SLC75A1: variants seen among roughly 807,000 people sequenced by gnomAD.
SLC75A1 encodes the protein solute carrier family 75 member 1, also known as major facilitator superfamily domain containing 10.
At chr4:2,931,447 G>A in the SLC75A1 span, 4 of 1,565,132 alleles carry the variant, frequency 2.6e-6, no homozygotes, top group Non-Finnish European at 3.5e-6. Context: ...AGGAAGGCGG[G>A]CACCAGCAGC....
At chr4:2,931,518 G>A in the SLC75A1 span, 245 of 1,598,830 alleles carry the variant, frequency 1.5e-4, no homozygotes, top group Non-Finnish European at 2.0e-4. Context: ...AGGACTCAGG[G>A]GACTGCCTGC....
the SLC75A1 span, chr4:2,932,035 G>C: frequency 1.9e-6 from 3 of 1,610,304 alleles, no homozygotes; most frequent in African/African-American, 1.3e-5. Flanking sequence ...TGGGTTGGTC[G>C]AGTCCTTACT....
At chr4:2,931,989 G>C in the SLC75A1 span, 1 of 1,600,770 alleles carries the variant, frequency 6.2e-7, no homozygotes, top group Non-Finnish European at 8.5e-7. Context: ...GAAGGGCGCC[G>C]CCCGGGGAAG....
chr4:2,930,877 C>G, the SLC75A1 span: 1 of 1,613,118 alleles, frequency 6.2e-7, no homozygotes, highest in Non-Finnish European at 8.5e-7. Context: ...AACTCAGCTT[C>G]TGCAGGAGGA....
the SLC75A1 span, chr4:2,934,093 G>C: frequency 2.8e-6 from 2 of 713,446 alleles, no homozygotes; most frequent in Admixed American, 5.9e-5. Context: ...TGGCCTGCGC[G>C]ATGCCCCCGC....
the SLC75A1 span, chr4:2,931,122 C>T: frequency 6.3e-7 from 1 of 1,580,214 alleles, no homozygotes; most frequent in South Asian, 1.1e-5. Context: ...GCAGTGTACC[C>T]ATGACCGTGC....
the SLC75A1 span, chr4:2,933,911 CT>C: frequency 6.4e-7 from 1 of 1,565,366 alleles, no homozygotes; most frequent in Non-Finnish European, 8.6e-7. Context: ...CCTCCACCCC[CT>C]CCCCATCCCA....
chr4:2,932,426 A>G, the SLC75A1 span: 1 of 1,613,696 alleles, frequency 6.2e-7, no homozygotes, highest in Non-Finnish European at 8.5e-7. Context: ...AGAGCAGGGC[A>G]AACCAGGGTG....
the SLC75A1 span, chr4:2,932,738 A>G: frequency 1.3e-6 from 2 of 1,578,468 alleles, no homozygotes; most frequent in East Asian, 4.5e-5. Context: ...CCCAGACTGC[A>G]TATGAGGTGG....
the SLC75A1 span, chr4:2,933,317 G>T: frequency 8.8e-7 from 1 of 1,131,780 alleles, no homozygotes; most frequent in African/African-American, 1.5e-5. Flanking sequence ...GTCATGCTGG[G>T]CCCTACACTC....
chr4:2,930,818 G>A, the SLC75A1 span: 4 of 1,611,858 alleles, frequency 2.5e-6, no homozygotes, highest in African/African-American at 5.3e-5. Flanking sequence ...GGTGCCCACA[G>A]CCTGGGCACA....
chr4:2,933,811 G>A, the SLC75A1 span: 1 of 1,590,810 alleles, frequency 6.3e-7, no homozygotes, highest in Non-Finnish European at 8.6e-7. Flanking sequence ...CAGCGTGAAG[G>A]CCAGGAGGTC....
At chr4:2,932,354 T>C in the SLC75A1 span, 4 of 1,612,434 alleles carry the variant, frequency 2.5e-6, no homozygotes, top group Admixed American at 3.3e-5. Flanking sequence ...GCCCTACCCG[T>C]TTCTCCAGGG....
chr4:2,930,780 G>A, the SLC75A1 span: 29 of 1,572,068 alleles, frequency 1.8e-5, no homozygotes, highest in Non-Finnish European at 2.5e-5. Context: ...CAGTGGGCAG[G>A]GGCCTGACCT....
At chr4:2,933,567 C>G in the SLC75A1 span, 8 of 1,613,862 alleles carry the variant, frequency 5.0e-6, no homozygotes, top group South Asian at 4.4e-5. Flanking sequence ...CCAGCCATAC[C>G]TCCGAACAGG....
the SLC75A1 span, chr4:2,933,795 C>A: frequency 6.3e-7 from 1 of 1,592,786 alleles, no homozygotes; most frequent in East Asian, 2.3e-5. Flanking sequence ...GCAGCAGGGG[C>A]AGCAGCAGCG....
chr4:2,931,030 A>G, the SLC75A1 span: 2 of 1,610,430 alleles, frequency 1.2e-6, no homozygotes, highest in Non-Finnish European at 1.7e-6. Context: ...CTTGGCCCCC[A>G]GCCTGCCCCA....
the SLC75A1 span, chr4:2,933,850 A>G: frequency 1.3e-5 from 20 of 1,588,478 alleles, no homozygotes; most frequent in African/African-American, 1.1e-4. Flanking sequence ...GACAACGGTG[A>G]CCACGCGGCG....
the SLC75A1 span, chr4:2,932,740 A>G: frequency 8.2e-6 from 13 of 1,577,590 alleles, no homozygotes; most frequent in East Asian, 4.5e-5. Flanking sequence ...CAGACTGCAT[A>G]TGAGGTGGCC....
Sources: allele counts gnomAD v4.1 joint callset, GRCh38; gene constraint gnomAD v4.1.1; transcripts MANE v1.5; gene names NCBI Gene and HGNC (gene_info 2026-07-23, HGNC 2026-07-21).